Variants in ZC3H12B observed in about 807,000 individuals in gnomAD.
ZC3H12B encodes probable ribonuclease ZC3H12B.
ZC3H12B carries 7 observed loss-of-function variants against 43.9 expected under a neutral mutation model. The observed-to-expected ratio is 0.16, with a 90% CI of 0.09 to 0.30. The LOEUF is 0.30. Among genes scored for constraint, ZC3H12B ranks in the 10% least tolerant of loss-of-function variants. The probability of loss-of-function intolerance (pLI) is 1.00; values close to 1 mark genes in which losing one functional copy is unlikely to be tolerated. For missense variants in ZC3H12B, 475 were observed against 670.2 expected, an observed-to-expected ratio of 0.71 and a Z score of 3.22; for synonymous variants, 222 against 241.7, an observed-to-expected ratio of 0.92 and a Z score of 0.76.
chrX:65,359,796 G>A, the ZC3H12B span, among the ~76,000 whole-genome samples: 11 of 112,165 alleles, frequency 9.8e-5, no homozygotes, highest in African/African-American at 2.9e-4. Flanking sequence ...ATAAAGTGGC[G>A]GTGGGGTTTG....
chrX:65,310,788 C>A, the ZC3H12B span, among the ~76,000 whole-genome samples: 1 of 111,462 alleles, frequency 9.0e-6, no homozygotes, highest in Non-Finnish European at 1.9e-5. Context: ...GGTACTGGTA[C>A]CAAAACCAAT....
the ZC3H12B span, among the ~76,000 whole-genome samples, chrX:65,083,108 A>G: frequency 9.0e-6 from 1 of 111,394 alleles, no homozygotes; most frequent in Non-Finnish European, 1.9e-5. Flanking sequence ...GAAGGAACTT[A>G]CCTCAAGATA....
At chrX:65,228,822 A>G in the ZC3H12B span, among the ~76,000 whole-genome samples, 3 of 112,000 alleles carry the variant, frequency 2.7e-5, no homozygotes, top group Admixed American at 2.8e-4. Context: ...AATCCAACTT[A>G]CAACAGACGT....
At chrX:65,389,958 G>A (rs757862546) in intron 2 of ZC3H12B, among the ~76,000 whole-genome samples, 71 of 112,043 alleles carry the variant, frequency 6.3e-4, no homozygotes, top group African/African-American at 1.4e-3. Context: ...ACATGCACAC[G>A]TATGTTTATT....
chrX:65,171,690 C>T, the ZC3H12B span, among the ~76,000 whole-genome samples: 5 of 110,896 alleles, frequency 4.5e-5, no homozygotes, highest in Admixed American at 9.6e-5. Context: ...TTGGCTCCAC[C>T]GAGTTTGAGT....
the ZC3H12B span, among the ~76,000 whole-genome samples, chrX:65,188,782 A>G: frequency 1.1e-5 from 1 of 92,277 alleles, no homozygotes; most frequent in East Asian, 3.5e-4. Flanking sequence ...GAATTTTTAT[A>G]TTAGTTCTAA....
chrX:65,458,095 A>G (rs1335881662), intron 3 of ZC3H12B, among the ~76,000 whole-genome samples: 1 of 103,033 alleles, frequency 9.7e-6, no homozygotes, highest in East Asian at 2.9e-4. Context: ...TAAAAAAAAA[A>G]AAAAAAGAGA....
chrX:65,188,843 T>G, the ZC3H12B span, among the ~76,000 whole-genome samples: 1 of 107,807 alleles, frequency 9.3e-6, no homozygotes, highest in Non-Finnish European at 1.9e-5. Flanking sequence ...ATGTGCACAT[T>G]GTGCAGGTTA....
the ZC3H12B span, among the ~76,000 whole-genome samples, chrX:65,323,086 C>T: frequency 9.0e-6 from 1 of 111,567 alleles, no homozygotes; most frequent in African/African-American, 3.3e-5. Context: ...ATTATGTTGT[C>T]AACAAACAGC....
chrX:65,123,000 G>T, the ZC3H12B span, among the ~76,000 whole-genome samples: 1 of 111,766 alleles, frequency 8.9e-6, no homozygotes, highest in Non-Finnish European at 1.9e-5. Flanking sequence ...AACAAGTCTT[G>T]TGCCAGTTTT....
At chrX:65,191,652 T>G in the ZC3H12B span, among the ~76,000 whole-genome samples, 3 of 6,398 alleles carry the variant, frequency 4.7e-4, no homozygotes, top group Admixed American at 1.6e-3. Context: ...GATATCCCCT[T>G]TATAATTTTT....
chrX:65,275,700 C>T, the ZC3H12B span, among the ~76,000 whole-genome samples: 1 of 112,320 alleles, frequency 8.9e-6, no homozygotes, highest in Non-Finnish European at 1.9e-5. Context: ...ATACAAATCT[C>T]TTTTCCTACA....
chrX:65,220,887 G>T, the ZC3H12B span, among the ~76,000 whole-genome samples: 256 of 111,449 alleles, frequency 2.3e-3, 2 homozygotes, highest in African/African-American at 7.8e-3. Context: ...CCCAACAACT[G>T]CAGAATATAC....
the ZC3H12B span, among the ~76,000 whole-genome samples, chrX:65,313,787 A>G: frequency 8.9e-6 from 1 of 112,070 alleles, no homozygotes; most frequent in South Asian, 3.6e-4. Context: ...CATAGAAAGA[A>G]CCAGTAAAAT....
chrX:65,249,796 A>ATTTTTTTTTTTTTTT, the ZC3H12B span, among the ~76,000 whole-genome samples: 1 of 48,939 alleles, frequency 2.0e-5, no homozygotes, highest in Non-Finnish European at 3.8e-5. Context: ...ATTCCTAAGT[A>ATTTTTTTTTTTTTTT]TTTTTTTTTT....
At chrX:65,326,965 G>T in the ZC3H12B span, among the ~76,000 whole-genome samples, 1 of 111,028 alleles carries the variant, frequency 9.0e-6, no homozygotes, top group Admixed American at 9.6e-5. Flanking sequence ...TTATCAAAAA[G>T]ACAAAGATTA....
chrX:65,168,020 C>T, the ZC3H12B span, among the ~76,000 whole-genome samples: 1 of 111,455 alleles, frequency 9.0e-6, no homozygotes, highest in East Asian at 2.8e-4. Context: ...AATTGAATAC[C>T]CTTTGTTTCT....
chrX:65,276,427 G>A, the ZC3H12B span, among the ~76,000 whole-genome samples: 1 of 110,907 alleles, frequency 9.0e-6, no homozygotes, highest in Non-Finnish European at 1.9e-5. Context: ...GAAAAAGAAA[G>A]AATTATAAAA....
At chrX:65,143,502 G>A in the ZC3H12B span, among the ~76,000 whole-genome samples, 141 of 108,780 alleles carry the variant, frequency 1.3e-3, no homozygotes, top group Non-Finnish European at 2.1e-3. Context: ...TTATTGACTT[G>A]TGTATGTTAA....
Sources: gnomAD v4.1 joint callset for allele counts (sites outside exome capture counted in the v4.1 genomes callset) on GRCh38, gnomAD v4.1.1 for gene constraint, MANE v1.5 for transcripts, NCBI Gene and HGNC (gene_info 2026-07-23, HGNC 2026-07-21) for gene names.